Variants in CCDC9B observed in about 807,000 individuals in gnomAD.
CCDC9B encodes the protein coiled-coil domain-containing protein 9B.
Under a neutral mutation model 47.2 loss-of-function variants are expected in CCDC9B, and 40 were observed. The ratio of observed to expected loss-of-function variants is 0.85; its 90% CI spans 0.66 to 1.10. CCDC9B has a LOEUF of 1.10. Ranked by LOEUF, CCDC9B falls within the 50% of genes least tolerant of loss-of-function variation. CCDC9B has a pLI of 0.00. For missense variants in CCDC9B, 662 were observed against 651.0 expected (o/e 1.02, Z -0.18); for synonymous variants, 238 against 250.7 (o/e 0.95, Z 0.48).
In CCDC9B at chr15:40,338,806, C is replaced by G. The variant is rs751586683; in HGVS notation, c.329G>C (p.Gly110Ala). 1.2e-6 allele frequency: 2 copies of G among 1,614,180 alleles called. No homozygotes were observed. The highest frequency in any genetic ancestry group is 2.2e-5 in the East Asian group (1 of 44,892). The change falls in exon 4 of 11, where the codon GGT (glycine) becomes GCT (alanine). Residue 110 changes from glycine (G) to alanine (A), a missense_variant. Physicochemically the swap from Gly to Ala is moderately conservative, Grantham distance 60 (BLOSUM62 0). Coordinates refer to ENST00000397536, the MANE Select transcript of CCDC9B (RefSeq NM_207380.3). ...LEDEDAEDHG[G>A]TFCLGELVEL... ...CACCAGCTCCCCTAAGCAGAAAGTA[C>G]CCCCGTGGTCCTCAGCATCCTCATC...
At position 40,334,276 on chromosome 15, in the gene CCDC9B, C is replaced by G. The variant is rs1335744848; in HGVS notation, c.*882G>C. 6.5e-6 allele frequency: 1 copy of G among 152,776 alleles called. No homozygotes were observed. 9.5% of individuals were successfully genotyped at this position (152,776 alleles called of 1,614,324 possible). A position where few individuals can be genotyped will look rare whatever the true frequency, so the allele number is the denominator to read the frequency against. ...AGACAAGTCCTGATGTCATACTTAG[C>G]TGGAAGTTGTTTCTCTGTCTGTGGA... On this transcript the variant is annotated 3_prime_UTR_variant, in exon 11 of 11. Transcript: ENST00000397536.
chr15:40,339,057 T>G, intron 3 of CCDC9B, 154 bp from the exon 4 acceptor site: 1 of 847,014 alleles, frequency 1.2e-6, no homozygotes, highest in Non-Finnish European at 1.9e-6. Flanking sequence ...CACATGCCAA[T>G]GGCATGAGGT....
intron 3 of CCDC9B, chr15:40,339,235 T>A: frequency 1.7e-6 from 1 of 581,034 alleles, no homozygotes. Context: ...TTTTAGCCCC[T>A]GGGGCTTGAG....
chr15:40,340,520 C>T (rs189244832), intron 1 of CCDC9B: 46 of 470,392 alleles, frequency 9.8e-5, no homozygotes, highest in African/African-American at 7.8e-4. Context: ...GAAAGAGCCG[C>T]TCCCAGGGGC....
rs765556098 is a variant in CCDC9B at position 40,333,289 on chromosome 15, C to G, written c.*1869G>C. ...CCTCTTAGAAATACGAATTCTCGGC[C>G]AGGTGTGGTGGCTCATGCCTGTAAT... On this transcript the variant is annotated 3_prime_UTR_variant, in exon 11 of 11. Coordinates refer to ENST00000397536, the MANE Select transcript of CCDC9B (RefSeq NM_207380.3). 26 of 152,266 alleles carry G rather than the reference C, an allele frequency of 1.7e-4. No individual in the cohort carries two copies. Among genetic ancestry groups the G allele is most frequent in the Non-Finnish European group, 3.4e-4 (23 of 68,110 alleles). 9.4% of individuals were successfully genotyped at this position (152,266 alleles called of 1,614,324 possible). A position where few individuals can be genotyped will look rare whatever the true frequency, so the allele number is the denominator to read the frequency against.
chr15:40,339,482 A>C, intron 3 of CCDC9B, 30 bp downstream of exon 3: 1 of 1,611,102 alleles, frequency 6.2e-7, no homozygotes, highest in African/African-American at 1.3e-5. Context: ...CCTCCTTGCT[A>C]CGAGCCCTGT....
At position 40,337,793 on chromosome 15, in the gene CCDC9B, C is replaced by T. The variant is rs75470487; in HGVS notation, c.614G>A (p.Arg205His). ...CTGTGCGTCTCTGTGCCGGGCGAGGCGGGCTAGGTCGATCTGCTCCCGCTC... is the reference window on the plus strand; with the variant it reads ...CTGTGCGTCTCTGTGCCGGGCGAGGTGGGCTAGGTCGATCTGCTCCCGCTC... ...KQEREQIDLA[R>H]LARHRDAQGD... The change falls in exon 6 of 11, where the codon CGC becomes CAC. Residue 205 changes from arginine to histidine, a missense_variant. Transcript: ENST00000397536. The T allele has an allele frequency of 8.1e-6, 13 of 1,609,920 alleles. No individual in the cohort carries two copies. Among genetic ancestry groups the T allele is most frequent in the South Asian group, 4.4e-5 (4 of 91,012 alleles).
At chr15:40,340,594 C>A in intron 1 of CCDC9B, 2 of 560,676 alleles carry the variant, frequency 3.6e-6, no homozygotes, top group Non-Finnish European at 3.1e-6. Context: ...CCCTGGCGGC[C>A]CCAGCCCAGG....
rs528544304 is a variant in CCDC9B at position 40,336,917 on chromosome 15, C to A, written c.743-104G>T. On this transcript the variant is annotated intron_variant, in intron 7 of 10. Transcript: ENST00000397536. ...GAAGCTGTCAGTCCTCGGGGCCAGTCGTGGGTTTTGCCTCCCCAAAAGCGC... is the reference window on the plus strand; with the variant it reads ...GAAGCTGTCAGTCCTCGGGGCCAGTAGTGGGTTTTGCCTCCCCAAAAGCGC... 4.1e-5 allele frequency: 52 copies of A among 1,266,034 alleles called. No individual in the cohort carries two copies. The African/African-American group carries it at 7.7e-4, about 19-fold the overall frequency. The allele number at this position is 1,266,034 out of a possible 1,614,324, so 78.4% of individuals were successfully genotyped here.
Position 40,339,903 on chromosome 15 carries a change from A to G in CCDC9B, c.123+2T>C. 1 of 1,608,356 alleles carries G rather than the reference A, an allele frequency of 6.2e-7. No homozygotes were observed. The highest frequency in any genetic ancestry group is 1.7e-5 in the Admixed American group (1 of 59,964). ...CTCCTGGCCCTGTGGCAGCCCACTC[A>G]CCTGGTACCTGCGGAGCAAGGCCTG... On this transcript the variant is annotated splice_donor_variant, in intron 2 of 10. Coordinates refer to ENST00000397536, the MANE Select transcript of CCDC9B (RefSeq NM_207380.3). LOFTEE classifies it high-confidence loss of function.
In CCDC9B at chr15:40,337,522, A is replaced by G. The variant is rs567329213; in HGVS notation, c.684-76T>C. 14 of 1,353,820 alleles carry G rather than the reference A, an allele frequency of 1.0e-5. No homozygotes were observed. The East Asian group carries it at 3.3e-4, about 32-fold the overall frequency. 83.9% of individuals were successfully genotyped at this position (1,353,820 alleles called of 1,614,324 possible). A position where few individuals can be genotyped will look rare whatever the true frequency, so the allele number is the denominator to read the frequency against. ...CCCCACCCTGACACCCCCCTCCCCG[A>G]AGCCCAGGCCCAGAATTGAAGGCAG... On this transcript the variant is annotated intron_variant, in intron 6 of 10. Coordinates refer to ENST00000397536, the MANE Select transcript of CCDC9B (RefSeq NM_207380.3).
intron 9 of CCDC9B, chr15:40,336,330 G>A (rs1312888918): frequency 1.0e-6 from 1 of 985,290 alleles, no homozygotes; most frequent in Non-Finnish European, 1.2e-6. Context: ...TGCAATGCCT[G>A]GGAAAGGCAT....
rs916877587 is a variant in CCDC9B at position 40,332,492 on chromosome 15, C to G, written c.*2666G>C. On this transcript the variant is annotated 3_prime_UTR_variant, in exon 11 of 11. Coordinates refer to ENST00000397536, the MANE Select transcript of CCDC9B (RefSeq NM_207380.3). ...CTCCTGACATCCTTCTGGACGTCAT[C>G]CATGGAGACAAGCCCTACTTCCCCA... 6.6e-6 allele frequency: 1 copy of G among 152,372 alleles called. No homozygotes were observed. The highest frequency in any genetic ancestry group is 1.5e-5 in the Non-Finnish European group (1 of 68,150). The allele number at this position is 152,372 out of a possible 1,614,324, so 9.4% of individuals were successfully genotyped here.
chr15:40,339,032 C>T (rs1889029969), intron 3 of CCDC9B, 129 bp from the exon 4 acceptor site: 1 of 1,049,602 alleles, frequency 9.5e-7, no homozygotes, highest in African/African-American at 1.6e-5. Context: ...GAAGAGCTGA[C>T]TCCCACAGGG....
rs894962819 is a variant in CCDC9B at position 40,340,559 on chromosome 15, T to C, written c.12+249A>G. The C allele has an allele frequency of 2.4e-5, 12 of 507,872 alleles. 1 individual carries two copies. The Middle Eastern group carries it at 1.5e-3, about 64-fold the overall frequency. The allele number at this position is 507,872 out of a possible 1,614,324, so 31.5% of individuals were successfully genotyped here. On this transcript the variant is annotated intron_variant, in intron 1 of 10. Transcript: ENST00000397536. ...GCCTCTCCAGGCCGAAAGCTGCTGG[T>C]AGTCGGGGCGGAGAGAGCCAGCTCC...
In CCDC9B at chr15:40,337,847, GC is replaced by G; in HGVS notation, c.559del (p.Ala187ArgfsTer17). 6.2e-7 allele frequency: 1 copy of G among 1,607,754 alleles called. No individual in the cohort carries two copies. Among genetic ancestry groups the G allele is most frequent in the Non-Finnish European group, 8.5e-7 (1 of 1,178,220 alleles). On this transcript the variant is annotated frameshift_variant, in exon 6 of 11. Transcript: ENST00000397536. LOFTEE classifies it high-confidence loss of function. ...WSRPVGEPPE[A>X]GWDYAQWKQE... ...CTTCCACTGGGCATAGTCCCAGCCC[GC>G]CTCCGGGGGCTCCCCCACCGGCCGG...
At position 40,338,834 on chromosome 15, in the gene CCDC9B, C is replaced by G. The variant is rs373885057; in HGVS notation, c.301G>C (p.Glu101Gln). Residue 101 changes from glutamate (E) to glutamine (Q), a missense_variant, in exon 4 of 11, where the codon GAG (glutamate) becomes CAG (glutamine). Transcript: ENST00000397536. ...CCGTGGTCCTCAGCATCCTCATCCT[C>G]AAGCATCTCGTTGGTCACTCTGGGT... ...CGPRVTNEML[E>Q]DEDAEDHGGT... 3 of 1,614,082 alleles carry G rather than the reference C, an allele frequency of 1.9e-6. No individual in the cohort carries two copies. Among genetic ancestry groups the G allele is most frequent in the African/African-American group, 1.3e-5 (1 of 74,924 alleles).
rs756386624 is a variant in CCDC9B at position 40,335,446 on chromosome 15, G to A, written c.1185C>T (p.Leu395=). 7.5e-6 allele frequency: 12 copies of A among 1,608,980 alleles called. No homozygotes were observed. Among genetic ancestry groups the A allele is most frequent in the East Asian group, 4.5e-5 (2 of 44,568 alleles). Reference sequence around the variant, plus strand: ...TCTCCTGGGCCCCAGGCCTCAGACCGAGCACACACCCGCTCTCCCTGGGCC... The same window carrying A: ...TCTCCTGGGCCCCAGGCCTCAGACCAAGCACACACCCGCTCTCCCTGGGCC... ...IPGPRESGCV[L]GLRPGAQESP... Residue 395 remains leucine, a synonymous_variant, in exon 11 of 11, where the codon CTC becomes CTT. Transcript: ENST00000397536.
rs1193087250 is a variant in CCDC9B at position 40,335,390 on chromosome 15, T to G, written c.1241A>C (p.Gln414Pro). 1 of 1,613,106 alleles carries G rather than the reference T, an allele frequency of 6.2e-7. No homozygotes were observed. Among genetic ancestry groups the G allele is most frequent in the African/African-American group, 1.3e-5 (1 of 75,040 alleles). Residue 414 changes from glutamine (Q) to proline (P), a missense_variant, in exon 11 of 11, where the codon CAG becomes CCG. Physicochemically the swap from Gln to Pro is moderately conservative, Grantham distance 76. Transcript: ENST00000397536. ...GTGATTGCTCCACCCCAGGGGCTGC[T>G]GCTTAGAGCCCTCTGGCCAAGACAC... ...SPVSWPEGSK[Q>P]QPLGWSNHQA... is the part of the protein sequence containing the mutation.
Sources: gnomAD v4.1 joint callset for allele counts on GRCh38, gnomAD v4.1.1 for gene constraint, MANE v1.5 for transcripts, NCBI Gene and HGNC (gene_info 2026-07-23, HGNC 2026-07-21) for gene names.